EFTUD2: variants seen among roughly 807,000 people sequenced by gnomAD.
The protein encoded by EFTUD2 is elongation factor Tu GTP binding domain containing 2.
Under a neutral mutation model 114.3 loss-of-function variants are expected in EFTUD2, and 9 were observed. The ratio of observed to expected loss-of-function variants is 0.08; its 90% confidence interval spans 0.05 to 0.14. The LOEUF is 0.14. Among genes scored for constraint, EFTUD2 ranks in the 10% least tolerant of loss-of-function variants. The probability of loss-of-function intolerance (pLI) is 1.00; values close to 1 mark genes in which losing one functional copy is unlikely to be tolerated. For missense variants in EFTUD2, 765 were observed against 1,241.2 expected (o/e 0.62, Z 5.76); for synonymous variants, 449 against 462.3 (o/e 0.97, Z 0.37).
chr17:44,852,605 G>T (rs750948151), intron 25 of EFTUD2, 43 bp from the exon 26 acceptor site: 6 of 1,601,956 alleles, frequency 3.7e-6, no homozygotes, highest in Admixed American at 1.7e-5. Context: ...TCAAACATAG[G>T]CCAAAAGCCA....
At chr17:44,856,963 G>A (rs2050568052) in intron 20 of EFTUD2, 112 bp downstream of exon 20, 1 of 848,238 alleles carries the variant, frequency 1.2e-6, no homozygotes, top group Admixed American at 2.1e-5. Flanking sequence ...CCTATTCTGA[G>A]CTGTAGAGGT....
chr17:44,882,889 A>G (rs140598967), intron 6 of EFTUD2, among the ~76,000 whole-genome samples: 256 of 152,342 alleles, frequency 1.7e-3, no homozygotes, highest in African/African-American at 5.9e-3. Flanking sequence ...ATCATCCAAA[A>G]ATACTGCAGC....
chr17:44,877,215 G>A (rs939958569), intron 9 of EFTUD2, among the ~76,000 whole-genome samples: 1 of 151,028 alleles, frequency 6.6e-6, no homozygotes, highest in South Asian at 2.1e-4. Context: ...AAAAAAAAAA[G>A]CCAGAGCTCC....
rs1196596383 is a variant in EFTUD2, at chr17:44,868,047, G to A, written c.1059-150C>T. 1.1e-5 allele frequency: 10 copies of A among 901,450 alleles called. No homozygotes were observed. In the East Asian group the frequency reaches 2.4e-4, roughly 22 times the overall value. 55.8% of individuals were successfully genotyped at this position (901,450 alleles called of 1,614,324 possible). On this transcript the variant is annotated intron_variant, in intron 12 of 27. Coordinates refer to ENST00000426333, the MANE Select transcript of EFTUD2 (RefSeq NM_004247.4). The stretch of plus-strand genomic sequence containing the variant: ...GTTTCCAGAGACAGATTCCTGGAAG[G>A]ATACATGGTTATGACCCTCCTGGAT...
At chr17:44,873,823 C>T (rs1335986931) in intron 10 of EFTUD2, among the ~76,000 whole-genome samples, 16 of 151,056 alleles carry the variant, frequency 1.1e-4, no homozygotes, top group Admixed American at 1.1e-3. Flanking sequence ...GCTCCGTCTC[C>T]CGGGTTCACG....
chr17:44,867,765 C>A, intron 13 of EFTUD2, 42 bp downstream of exon 13: 1 of 1,469,520 alleles, frequency 6.8e-7, no homozygotes, highest in Non-Finnish European at 9.1e-7. Context: ...CCACACTGTG[C>A]TTATAAGAGC....
intron 18 of EFTUD2, chr17:44,859,595 G>T: frequency 1.9e-6 from 1 of 520,884 alleles, no homozygotes; most frequent in Non-Finnish European, 3.5e-6. Flanking sequence ...TACTCATTAA[G>T]AAATGTATTT....
At chr17:44,876,825 C>A (rs2050960542) in intron 9 of EFTUD2, among the ~76,000 whole-genome samples, 1 of 127,800 alleles carries the variant, frequency 7.8e-6, no homozygotes, top group Non-Finnish European at 1.6e-5. Context: ...TGCACTCCAG[C>A]CTGCTGGGCG....
intron 23 of EFTUD2, 193 bp from the exon 24 acceptor site, chr17:44,853,828 T>C (rs988180240): frequency 8.4e-6 from 12 of 1,423,494 alleles, no homozygotes; most frequent in Non-Finnish European, 1.1e-5. Flanking sequence ...TAAGCATATG[T>C]TCTTAGTGTT....
At chr17:44,898,656 A>G (rs2051446729) in intron 1 of EFTUD2, among the ~76,000 whole-genome samples, 1 of 152,136 alleles carries the variant, frequency 6.6e-6, no homozygotes, top group Non-Finnish European at 1.5e-5. Flanking sequence ...CTTTATTTCA[A>G]TCAAGTCTCC....
chr17:44,888,286 A>G (rs1480448762), intron 2 of EFTUD2, among the ~76,000 whole-genome samples: 2 of 152,208 alleles, frequency 1.3e-5, no homozygotes, highest in Non-Finnish European at 2.9e-5. Flanking sequence ...CTAGAGCAAA[A>G]GTAGGCGGGG....
intron 3 of EFTUD2, 98 bp downstream of exon 3, chr17:44,886,487 C>A: frequency 1.3e-6 from 2 of 1,526,948 alleles, no homozygotes; most frequent in East Asian, 2.3e-5. Context: ...TAAAGAAAAA[C>A]TGATCAATTC....
At chr17:44,872,689 C>T in intron 10 of EFTUD2, 119 bp from the exon 11 acceptor site, 1 of 1,312,080 alleles carries the variant, frequency 7.6e-7, no homozygotes, top group Non-Finnish European at 1.0e-6. Flanking sequence ...GGGACTTGTG[C>T]AAGACACTCA....
chr17:44,853,862 A>G (rs913937415), intron 23 of EFTUD2: 1 of 1,402,696 alleles, frequency 7.1e-7, no homozygotes, highest in African/African-American at 1.4e-5. Context: ...GCTCAGACTT[A>G]GAGCTTTCCT....
intron 5 of EFTUD2, 91 bp from the exon 6 acceptor site, chr17:44,883,249 G>A (rs2051105594): frequency 8.3e-7 from 1 of 1,210,786 alleles, no homozygotes; most frequent in East Asian, 2.4e-5. Context: ...CATAATTTAG[G>A]GATAAGGAGA....
intron 20 of EFTUD2, 121 bp downstream of exon 20, chr17:44,856,954 C>T: frequency 1.3e-6 from 1 of 766,180 alleles, no homozygotes; most frequent in South Asian, 1.6e-5. Flanking sequence ...TAAGCACCCC[C>T]TATTCTGAGC....
At chr17:44,888,304 A>G (rs1439393884) in intron 2 of EFTUD2, among the ~76,000 whole-genome samples, 1 of 152,202 alleles carries the variant, frequency 6.6e-6, no homozygotes, top group East Asian at 1.9e-4. Flanking sequence ...GGGAGGTGCC[A>G]TTAGCATCCA....
intron 9 of EFTUD2, among the ~76,000 whole-genome samples, chr17:44,879,103 T>C (rs556387254): frequency 6.6e-6 from 1 of 152,326 alleles, no homozygotes. Context: ...CTTCGTTTTT[T>C]GAGAGAATGT....
At chr17:44,876,276 T>C (rs529953421) in intron 9 of EFTUD2, among the ~76,000 whole-genome samples, 176 bp from the exon 10 acceptor site, 5 of 152,104 alleles carry the variant, frequency 3.3e-5, no homozygotes, top group Non-Finnish European at 7.4e-5. Flanking sequence ...ACAGGAACTT[T>C]AAGAGGGCAC....
Sources: allele counts gnomAD v4.1 joint callset (sites outside exome capture counted in the v4.1 genomes callset), GRCh38; gene constraint gnomAD v4.1.1; transcripts MANE v1.5; gene names NCBI Gene and HGNC (gene_info 2026-07-23, HGNC 2026-07-21).